The following NSUN2 variants were observed in gnomAD, a reference collection of about 807,000 sequenced individuals.
The protein encoded by NSUN2 is NOP2/Sun RNA methyltransferase 2.
Under a neutral mutation model 92.7 loss-of-function variants are expected in NSUN2, and 63 were observed. That is an observed-to-expected ratio of 0.68 (90% CI 0.56 to 0.84). The LOEUF is 0.84. Among genes scored for constraint, NSUN2 ranks in the 40% least tolerant of loss-of-function variants. NSUN2 has a pLI of 0.00. For synonymous variants in NSUN2, 356 were observed against 348.3 expected, an observed-to-expected ratio of 1.02 and a Z score of -0.25; for missense variants, 989 against 964.9, an observed-to-expected ratio of 1.02 and a Z score of -0.33.
intron 13 of NSUN2, 89 bp downstream of exon 13, chr5:6,607,111 G>T: frequency 2.2e-6 from 3 of 1,387,916 alleles, no homozygotes; most frequent in South Asian, 2.5e-5. Context: ...CCCTCAAACC[G>T]ACCAAGAAGT....
In NSUN2 at chr5:6,623,204, T is replaced by C; in HGVS notation, c.537+10A>G. The C allele has an allele frequency of 2.5e-6, 4 of 1,588,440 alleles. No individual in the cohort carries two copies. Among genetic ancestry groups the C allele is most frequent in the Non-Finnish European group, 3.4e-6 (4 of 1,173,240 alleles). ...TGCCCGCCCCCACGTTTCTAGTTGCTATATGCTACCTTATGATGAGGCCGC... is the reference window on the plus strand; with the variant it reads ...TGCCCGCCCCCACGTTTCTAGTTGCCATATGCTACCTTATGATGAGGCCGC... On this transcript the variant is annotated intron_variant, in intron 5 of 18. Coordinates refer to ENST00000264670, the MANE Select transcript of NSUN2 (RefSeq NM_017755.6).
chr5:6,609,721 G>A, intron 12 of NSUN2, 105 bp downstream of exon 12: 1 of 849,704 alleles, frequency 1.2e-6, no homozygotes, highest in East Asian at 2.5e-5. Context: ...GCTGCCCACA[G>A]CAAGAAGCTC....
rs190796653 is a variant in NSUN2 at position 6,622,220 on chromosome 5, G to A, written c.538-120C>T. The A allele has an allele frequency of 1.1e-5, 8 of 724,114 alleles. No homozygotes were observed. The East Asian group carries it at 1.4e-4, about 12-fold the overall frequency. 44.9% of individuals were successfully genotyped at this position (724,114 alleles called of 1,614,324 possible). A position where few individuals can be genotyped will look rare whatever the true frequency, so the allele number is the denominator to read the frequency against. ...AGATCTAAATATACTTCTTTACAGAGTCTATAGCATGACATAATTTACTTT... is the reference window on the plus strand; with the variant it reads ...AGATCTAAATATACTTCTTTACAGAATCTATAGCATGACATAATTTACTTT... On this transcript the variant is annotated intron_variant, in intron 5 of 18. Coordinates refer to ENST00000264670, the MANE Select transcript of NSUN2 (RefSeq NM_017755.6).
chr5:6,625,608 G>C lies in NSUN2; in HGVS notation c.421C>G (p.His141Asp), dbSNP rs759193778. The change falls in exon 4 of 19, where the codon CAC (histidine) becomes GAC (aspartate). Residue 141 changes from histidine to aspartate, a missense_variant. Transcript: ENST00000264670. ...LSRKILRKSP[H>D]LEKFHQFLVS... is the part of the protein sequence containing the mutation. Reference sequence around the variant, plus strand: ...AGAAACTGATGAAACTTTTCCAAGTGTGGCGATTTTCTCAAGATTTTTCGA... The same window carrying C: ...AGAAACTGATGAAACTTTTCCAAGTCTGGCGATTTTCTCAAGATTTTTCGA... The C allele has an allele frequency of 2.6e-5, 42 of 1,614,076 alleles. No homozygotes were observed. Among genetic ancestry groups the C allele is most frequent in the Non-Finnish European group, 3.5e-5 (41 of 1,180,018 alleles).
At position 6,616,818 on chromosome 5, in the gene NSUN2, C is replaced by T. The variant is rs772837979; in HGVS notation, c.930G>A (p.Leu310=). The part of the protein sequence containing the change: ...LRIATRGAEQ[L]AEGGRMVYST... ...AATACACCATCCTTCCACCTTCAGC[C>T]AGCTGTTCAGCCCCGCGTGTTGCAA... The change falls in exon 9 of 19, where the codon CTG becomes CTA. Residue 310 remains leucine (L), a synonymous_variant. Transcript: ENST00000264670. The T allele has an allele frequency of 1.2e-6, 2 of 1,614,012 alleles. No homozygotes were observed. Among genetic ancestry groups the T allele is most frequent in the Admixed American group, 3.3e-5 (2 of 59,994 alleles).
chr5:6,599,993 G>C lies in NSUN2; in HGVS notation c.2237C>G (p.Ala746Gly). Residue 746 changes from alanine to glycine, a missense_variant, in exon 19 of 19, where the codon GCA (alanine) becomes GGA (glycine). Ala to Gly is a moderately conservative substitution (Grantham distance 60). Around this residue, in one of 3 missense-constraint regions of NSUN2, gnomAD observed 626 missense variants for 602.3 expected, o/e 1.04. Coordinates refer to ENST00000264670, the MANE Select transcript of NSUN2 (RefSeq NM_017755.6). The part of the protein sequence containing the change: ...QRAGEPNSPD[A>G]EEANSPDVTA... ...CACGTCTGGACTGTTGGCCTCTTCT[G>C]CATCTGGGCTGTTGGGCTCTCCTGC... The C allele has an allele frequency of 6.2e-7, 1 of 1,614,246 alleles. No individual in the cohort carries two copies. The highest frequency in any genetic ancestry group is 8.5e-7 in the Non-Finnish European group (1 of 1,180,038).
At position 6,607,272 on chromosome 5, in the gene NSUN2, G is replaced by C; in HGVS notation, c.1436C>G (p.Thr479Ser). ...SKLESPSFTGTGDTEIAHATE... is the reference protein window; with the variant it reads ...SKLESPSFTGSGDTEIAHATE... Reference sequence around the variant, plus strand: ...TGCATGAGCTATTTCTGTGTCACCAGTTCCTGTGAATGACGGACTTTCCAG... The same window carrying C: ...TGCATGAGCTATTTCTGTGTCACCACTTCCTGTGAATGACGGACTTTCCAG... Residue 479 changes from threonine (T) to serine (S), a missense_variant, in exon 13 of 19, where the codon ACT becomes AGT. Around this residue, in one of 3 missense-constraint regions of NSUN2, gnomAD observed 626 missense variants for 602.3 expected, o/e 1.04. Coordinates refer to ENST00000264670, the MANE Select transcript of NSUN2 (RefSeq NM_017755.6). The C allele has an allele frequency of 6.2e-7, 1 of 1,614,224 alleles. No homozygotes were observed. Among genetic ancestry groups the C allele is most frequent in the African/African-American group, 1.3e-5 (1 of 75,060 alleles).
At position 6,631,879 on chromosome 5, in the gene NSUN2, A is replaced by G; in HGVS notation, c.353T>C (p.Leu118Pro). 1.9e-6 allele frequency: 3 copies of G among 1,608,952 alleles called. No individual in the cohort carries two copies. Among genetic ancestry groups the G allele is most frequent in the Non-Finnish European group, 2.6e-6 (3 of 1,175,378 alleles). Residue 118 changes from leucine (L) to proline (P), a missense_variant, in exon 3 of 19, where the codon CTG becomes CCG. Leu to Pro is a moderately conservative substitution (Grantham distance 98). Transcript: ENST00000264670. ...GAAGCACTGTGGTACCTACCAACTC[A>G]GTGGCTGTGGAACTTCAACTTTCTG... is the stretch of plus-strand genomic sequence containing the variant. ...DGQKVEVPQP[L>P]SWYPEELAWH...
At chr5:6,619,268 G>A (rs1441656809) in intron 7 of NSUN2, among the ~76,000 whole-genome samples, 1 of 152,182 alleles carries the variant, frequency 6.6e-6, no homozygotes, top group East Asian at 1.9e-4. Context: ...GCCACCAGCT[G>A]CAAGTTTCAT....
intron 17 of NSUN2, among the ~76,000 whole-genome samples, chr5:6,603,664 T>C (rs1391347307): frequency 6.6e-6 from 1 of 152,192 alleles, no homozygotes; most frequent in African/African-American, 2.4e-5. Context: ...TACTCCAGCC[T>C]GGGTGACAGA....
At chr5:6,600,378 T>C (rs1736500999) in intron 18 of NSUN2, 146 bp from the exon 19 acceptor site, 2 of 721,454 alleles carry the variant, frequency 2.8e-6, no homozygotes, top group African/African-American at 1.8e-5. Flanking sequence ...ACATTTCATC[T>C]GGATCCGAGG....
At chr5:6,625,490 TA>T in intron 4 of NSUN2, 73 bp downstream of exon 4, 1 of 1,148,570 alleles carries the variant, frequency 8.7e-7, no homozygotes, top group Non-Finnish European at 1.3e-6. Flanking sequence ...GACAAGAACC[TA>T]AAAACAGAAC....
chr5:6,613,249 G>C (rs546212463), intron 9 of NSUN2, among the ~76,000 whole-genome samples: 80 of 152,242 alleles, frequency 5.3e-4, no homozygotes, highest in African/African-American at 1.9e-3. Flanking sequence ...GAAAAAGCAG[G>C]GTATTTAAGA....
intron 13 of NSUN2, 42 bp from the exon 14 acceptor site, chr5:6,606,954 G>C: frequency 8.3e-7 from 1 of 1,209,856 alleles, no homozygotes; most frequent in South Asian, 1.3e-5. Flanking sequence ...TCTGTAATGT[G>C]TGGTAACCTT....
chr5:6,631,810 A>T, intron 3 of NSUN2, 63 bp downstream of exon 3: 1 of 1,220,950 alleles, frequency 8.2e-7, no homozygotes, highest in South Asian at 1.3e-5. Context: ...CAAGAAATAT[A>T]ATTCAAGTGA....
rs781312901 is a variant in NSUN2 at position 6,621,996 on chromosome 5, A to G, written c.622+20T>C. ...CCAAAGTGGCATTCCTACCATTTTG[A>G]ACACAAGTCCAATGCATACCTGGAA... On this transcript the variant is annotated intron_variant, in intron 6 of 18. Transcript: ENST00000264670. The G allele has an allele frequency of 1.9e-6, 3 of 1,599,602 alleles. No individual in the cohort carries two copies. The highest frequency in any genetic ancestry group is 2.6e-6 in the Non-Finnish European group (3 of 1,167,298).
rs371148889 is a variant in NSUN2, at chr5:6,610,842, CT to C, written c.1226+112del. On this transcript the variant is annotated intron_variant, in intron 11 of 18. Transcript: ENST00000264670. ...GGGTTGACCCTGGCATAACCCAAGC[CT>C]CACAGCAATGTCACCTGCTGCCTCC... 6.1e-5 allele frequency: 80 copies of C among 1,308,888 alleles called. No individual in the cohort carries two copies. In the African/African-American group the frequency reaches 1.0e-3, roughly 17 times the overall value. 81.1% of individuals were successfully genotyped at this position (1,308,888 alleles called of 1,614,324 possible).
chr5:6,599,876 A>C lies in NSUN2; in HGVS notation c.*50T>G, dbSNP rs56282400. 28,531 of 1,551,342 alleles carry C rather than the reference A, an allele frequency of 0.018. 338 individuals are homozygous for C. Among genetic ancestry groups the C allele is most frequent in the Non-Finnish European group, 0.023 (25,769 of 1,137,152 alleles). ...GGTTTCAGACACCAGTGACCAGAAG[A>C]AGCCAGTTTTGCGTGTGAGGGGTGT... On this transcript the variant is annotated 3_prime_UTR_variant, in exon 19 of 19. Coordinates refer to ENST00000264670, the MANE Select transcript of NSUN2 (RefSeq NM_017755.6).
chr5:6,627,386 C>T (rs535214843), intron 3 of NSUN2, among the ~76,000 whole-genome samples: 2 of 152,242 alleles, frequency 1.3e-5, no homozygotes, highest in Admixed American at 6.5e-5. Flanking sequence ...AAAGCTAGTA[C>T]GATCATGTAA....
Sources: allele counts gnomAD v4.1 joint callset (sites outside exome capture counted in the v4.1 genomes callset), GRCh38; gene constraint gnomAD v4.1.1; regional missense constraint gnomAD v4.1.1; transcripts MANE v1.5; gene names NCBI Gene and HGNC (gene_info 2026-07-23, HGNC 2026-07-21).